Variants in ST7L observed in about 807,000 individuals in gnomAD.
The protein encoded by ST7L is suppressor of tumorigenicity 7 protein-like.
In ST7L, 57 loss-of-function variants were observed where a neutral mutation model predicts 72.5. The ratio of observed to expected loss-of-function variants is 0.79; its 90% CI spans 0.64 to 0.98. The LOEUF (loss-of-function observed/expected upper bound fraction) is 0.98, where lower values mean the gene tolerates loss of function less well. Among genes scored for constraint, ST7L ranks in the 50% least tolerant of loss-of-function variants. The pLI, the probability that ST7L is intolerant of heterozygous loss-of-function variation, is 0.00. For missense variants in ST7L, 576 were observed against 672.2 expected (o/e 0.86, Z 1.58); for synonymous variants, 221 against 240.9 (o/e 0.92, Z 0.77).
At chr1:112,546,432 T>C (rs1397615239) in intron 13 of ST7L, among the ~76,000 whole-genome samples, 1 of 152,066 alleles carries the variant, frequency 6.6e-6, no homozygotes. Flanking sequence ...GGCCTCAAGT[T>C]TGGCCACATG....
rs1187228218 is a variant in ST7L, at chr1:112,598,017, C to T, written c.576G>A (p.Gln192=). 1.2e-6 allele frequency: 2 copies of T among 1,613,758 alleles called. No homozygotes were observed. The highest frequency in any genetic ancestry group is 1.1e-5 in the South Asian group (1 of 91,036). Residue 192 remains glutamine, a synonymous_variant, in exon 5 of 15, where the codon CAG becomes CAA. Coordinates refer to ENST00000358039, the MANE Select transcript of ST7L (RefSeq NM_017744.5). The stretch of plus-strand genomic sequence containing the variant: ...AATCTGTGTCACAGGTGAAAAAGGT[C>T]TGATGGTCCTGAGCTGACAGGTTCA... ...YDMNLSAQDH[Q]TFFTCDTDFL...
intron 2 of ST7L, 106 bp from the exon 3 acceptor site, chr1:112,611,109 G>T: frequency 9.3e-7 from 1 of 1,072,066 alleles, no homozygotes; most frequent in Non-Finnish European, 1.3e-6. Context: ...CATTTTAAAT[G>T]CACTCTCCTT....
In ST7L at chr1:112,526,160, AGGAC is replaced by A. The variant is rs766619366; in HGVS notation, c.1630-53_1630-50del. 390 of 1,612,198 alleles carry A rather than the reference AGGAC, an allele frequency of 2.4e-4. 6 individuals are homozygous for A. In the South Asian group the frequency reaches 4.1e-3, roughly 17 times the overall value. ...AATGTTCAAGCCCTGTAGGAGTCCC[AGGAC>A]AGCCAAGAGAGTATATCTGAGCACA... On this transcript the variant is annotated intron_variant, in intron 14 of 14. Transcript: ENST00000358039.
intron 14 of ST7L, 110 bp from the exon 15 acceptor site, chr1:112,526,221 A>G: frequency 6.9e-7 from 1 of 1,450,648 alleles, no homozygotes; most frequent in Non-Finnish European, 9.3e-7. Context: ...GCCCTCCTGA[A>G]CCTTATCAAC....
intron 11 of ST7L, among the ~76,000 whole-genome samples, chr1:112,565,140 G>A (rs1422141382): frequency 4.0e-5 from 6 of 149,598 alleles, no homozygotes; most frequent in Non-Finnish European, 8.9e-5. Context: ...TGCCGTCCAG[G>A]TTCAAGCGAT....
At position 112,588,434 on chromosome 1, in the gene ST7L, C is replaced by T. The variant is rs114233801; in HGVS notation, c.701+3091G>A. Among the ~76,000 whole-genome samples, 622 of 152,254 alleles carry T rather than the reference C, an allele frequency of 4.1e-3. 3 individuals carry two copies. Among genetic ancestry groups the T allele is most frequent in the African/African-American group, 0.014 (595 of 41,534 alleles). On this transcript the variant is annotated intron_variant, in intron 6 of 14. Coordinates refer to ENST00000358039, the MANE Select transcript of ST7L (RefSeq NM_017744.5). ...CGTATTTAGCTGTAGATTTTTCAGA[C>T]GTTCTTGAGGAAGTTTCCTTCCATT...
Position 112,618,965 on chromosome 1 carries a change from A to T in ST7L, c.149T>A (p.Leu50Gln), listed in dbSNP as rs1670406178. The T allele has an allele frequency of 6.2e-7, 1 of 1,602,640 alleles. No individual in the cohort carries two copies. Among genetic ancestry groups the T allele is most frequent in the Non-Finnish European group, 8.5e-7 (1 of 1,174,652 alleles). The change falls in exon 1 of 15, where the codon CTG becomes CAG. Residue 50 changes from leucine (L) to glutamine (Q), a missense_variant. Leu to Gln is a moderately radical substitution (Grantham distance 113). Around this residue, in one of 3 missense-constraint regions of ST7L, gnomAD observed 9 missense variants for 25.6 expected, o/e 0.35. Transcript: ENST00000358039. ...TGASLWFVAG[L>Q]GLLYALRIPL... ...GATCCTCAGGGCGTAAAGCAGCCCC[A>T]GCCCCGCCACGAACCACAACGAGGC...
chr1:112,605,144 C>G (rs1381950021), intron 3 of ST7L, among the ~76,000 whole-genome samples: 1 of 149,850 alleles, frequency 6.7e-6, no homozygotes, highest in African/African-American at 2.5e-5. Context: ...ATAATCCCAG[C>G]ACTTTGGGAG....
chr1:112,559,009 CATA>C (rs1234154244), intron 11 of ST7L, among the ~76,000 whole-genome samples: 2 of 152,114 alleles, frequency 1.3e-5, no homozygotes, highest in Non-Finnish European at 2.9e-5. Context: ...AAGAAAACTG[CATA>C]ATATTTAAAC....
intron 13 of ST7L, among the ~76,000 whole-genome samples, chr1:112,543,868 C>CAAAAAAAAA (rs11418345): frequency 1.7e-5 from 1 of 59,424 alleles, no homozygotes; most frequent in African/African-American, 6.6e-5. Context: ...GACTCTATCT[C>CAAAAAAAAA]AAAAAAAAAA....
chr1:112,569,311 C>G (rs1400466109), intron 11 of ST7L, among the ~76,000 whole-genome samples: 1 of 152,110 alleles, frequency 6.6e-6, no homozygotes, highest in Non-Finnish European at 1.5e-5. Flanking sequence ...AAAAGTGAAA[C>G]CAACCCAAAT....
chr1:112,542,550 C>CA (rs1326558767), intron 13 of ST7L, among the ~76,000 whole-genome samples: 6 of 151,964 alleles, frequency 3.9e-5, no homozygotes, highest in Non-Finnish European at 8.8e-5. Flanking sequence ...TAAAGCCAGG[C>CA]ATGCGACACT....
chr1:112,599,117 T>G (rs1667000639), intron 4 of ST7L, among the ~76,000 whole-genome samples: 1 of 63,936 alleles, frequency 1.6e-5, no homozygotes, highest in Non-Finnish European at 2.8e-5. Flanking sequence ...TATATGTGGA[T>G]GTGTGTGTAT....
intron 3 of ST7L, among the ~76,000 whole-genome samples, chr1:112,606,934 T>C (rs1243850732): frequency 6.6e-6 from 1 of 152,156 alleles, no homozygotes; most frequent in Non-Finnish European, 1.5e-5. Context: ...ACAGTTACAT[T>C]AGAGGTTAGA....
Position 112,568,376 on chromosome 1 carries a change from G to A in ST7L, c.1245+8610C>T, listed in dbSNP as rs552269638. ...TTGTGAGACGGAGTCTTGCTTTGTC[G>A]CCCAGGCTGGAGTGCAGTGGCATGA... On this transcript the variant is annotated intron_variant, in intron 11 of 14. Coordinates refer to ENST00000358039, the MANE Select transcript of ST7L (RefSeq NM_017744.5). Among the ~76,000 whole-genome samples the A allele has an allele frequency of 1.7e-4, 22 of 126,656 alleles. No homozygotes were observed. In the East Asian group the frequency reaches 2.0e-3, roughly 11 times the overall value. 83.1% of individuals were successfully genotyped at this position (126,656 alleles called of 152,430 possible).
At chr1:112,571,388 T>C (rs1293225943) in intron 11 of ST7L, 4 of 448,862 alleles carry the variant, frequency 8.9e-6, no homozygotes, top group South Asian at 3.2e-5. Context: ...TTAAAGTGTA[T>C]ATGTGTGTAT....
intron 2 of ST7L, among the ~76,000 whole-genome samples, chr1:112,612,915 T>G (rs1303298074): frequency 6.6e-6 from 1 of 151,528 alleles, no homozygotes; most frequent in Admixed American, 6.6e-5. Context: ...GCTGGGAATT[T>G]GAGATTAACC....
intron 11 of ST7L, among the ~76,000 whole-genome samples, chr1:112,562,588 G>C (rs2101670676): frequency 6.6e-6 from 1 of 152,294 alleles, no homozygotes; most frequent in South Asian, 2.1e-4. Flanking sequence ...GTAGAAATTT[G>C]CCAGGTAGAG....
At chr1:112,580,542 A>T (rs773527589) in intron 9 of ST7L, among the ~76,000 whole-genome samples, 26 of 152,338 alleles carry the variant, frequency 1.7e-4, no homozygotes, top group Non-Finnish European at 3.5e-4. Flanking sequence ...TTAAAAGCTG[A>T]TGCCTCTCTC....
Sources: gnomAD v4.1 joint callset for allele counts (sites outside exome capture counted in the v4.1 genomes callset) on GRCh38, gnomAD v4.1.1 for gene constraint, gnomAD v4.1.1 regional missense constraint, MANE v1.5 for transcripts, NCBI Gene and HGNC (gene_info 2026-07-23, HGNC 2026-07-21) for gene names.